IQCB1: variants seen among roughly 807,000 people sequenced by gnomAD.
The protein encoded by IQCB1 is IQ motif containing B1, also known as IQ calmodulin-binding motif-containing protein 1.
IQCB1 carries 56 observed loss-of-function variants against 84.4 expected under a neutral mutation model. The ratio of observed to expected loss-of-function variants is 0.66; its 90% CI spans 0.54 to 0.83. The LOEUF (loss-of-function observed/expected upper bound fraction) is 0.83, where lower values mean the gene tolerates loss of function less well. IQCB1 is among the 40% of genes least tolerant of loss of function. The probability of loss-of-function intolerance (pLI) is 0.00; values close to 1 mark genes in which losing one functional copy is unlikely to be tolerated. For synonymous variants in IQCB1, 210 were observed against 234.8 expected, an observed-to-expected ratio of 0.89 and a Z score of 0.96; for missense variants, 629 against 682.1, an observed-to-expected ratio of 0.92 and a Z score of 0.87.
intron 12 of IQCB1, among the ~76,000 whole-genome samples, chr3:121,783,380 C>G (rs1384474416): frequency 3.9e-5 from 6 of 151,998 alleles, no homozygotes; most frequent in African/African-American, 1.5e-4. Flanking sequence ...ACTGTTTCTA[C>G]TCCCCATCCA....
At chr3:121,770,690 G>A (rs1409920484) in intron 14 of IQCB1, 116 bp from the exon 15 acceptor site, 1 of 828,492 alleles carries the variant, frequency 1.2e-6, no homozygotes, top group Non-Finnish European at 2.1e-6. Flanking sequence ...AACTCTGAAT[G>A]TACTACTTTT....
chr3:121,823,909 A>G (rs1159602773), intron 5 of IQCB1, among the ~76,000 whole-genome samples: 1 of 152,250 alleles, frequency 6.6e-6, no homozygotes, highest in Non-Finnish European at 1.5e-5. Flanking sequence ...AGTAAAATAC[A>G]TGACAAAATA....
At chr3:121,819,784 T>C (rs892229252) in intron 5 of IQCB1, among the ~76,000 whole-genome samples, 2 of 152,182 alleles carry the variant, frequency 1.3e-5, no homozygotes, top group Admixed American at 1.3e-4. Context: ...GTGAGCCATC[T>C]AGATAATGTT....
rs561258151 is a variant in IQCB1, at chr3:121,770,597, A to G, written c.1568-23T>C. The G allele has an allele frequency of 2.2e-4, 341 of 1,577,214 alleles. 6 individuals are homozygous for G. The South Asian group carries it at 3.6e-3, about 17-fold the overall frequency. On this transcript the variant is annotated intron_variant, in intron 14 of 14. Transcript: ENST00000310864. ...CCTCTGTAGTGGACAGAAAATAAAC[A>G]GATGAGCAGAAGAGTCCTATGCCAA...
intron 14 of IQCB1, among the ~76,000 whole-genome samples, chr3:121,771,499 T>G (rs1169183967): frequency 2.0e-5 from 3 of 151,902 alleles, no homozygotes; most frequent in Non-Finnish European, 4.4e-5. Flanking sequence ...CAGCTAATTT[T>G]TGTATTTTCA....
intron 14 of IQCB1, 22 bp downstream of exon 14, chr3:121,772,535 C>G: frequency 6.2e-7 from 1 of 1,613,784 alleles, no homozygotes; most frequent in Non-Finnish European, 8.5e-7. Context: ...TTTTAGAGAA[C>G]GAAAGTAAAA....
intron 7 of IQCB1, 38 bp downstream of exon 7, chr3:121,807,306 A>T (rs1232303688): frequency 3.8e-6 from 2 of 523,822 alleles, no homozygotes; most frequent in Admixed American, 2.5e-5. Flanking sequence ...TGCTTCTGAT[A>T]AAAAAAAAGC....
In IQCB1 at chr3:121,790,147, A is replaced by C; in HGVS notation, c.1055T>G (p.Leu352Trp). ...CATGGCTCTCTGTCTTTGAAGTTGCAATTGTAATTTGAGGTCCTCTTCTTC... is the reference window on the plus strand; with the variant it reads ...CATGGCTCTCTGTCTTTGAAGTTGCCATTGTAATTTGAGGTCCTCTTCTTC... ...QKEEEDLKLQ[L>W]QLQRQRAMRL... Residue 352 changes from leucine (L) to tryptophan (W), a missense_variant, in exon 11 of 15, where the codon TTG becomes TGG. Transcript: ENST00000310864. 1 of 1,613,566 alleles carries C rather than the reference A, an allele frequency of 6.2e-7. No homozygotes were observed. Among genetic ancestry groups the C allele is most frequent in the Non-Finnish European group, 8.5e-7 (1 of 1,179,540 alleles).
At chr3:121,823,721 T>C (rs1950354239) in intron 5 of IQCB1, among the ~76,000 whole-genome samples, 1 of 152,222 alleles carries the variant, frequency 6.6e-6, no homozygotes, top group Non-Finnish European at 1.5e-5. Context: ...TAAAGGAGGT[T>C]GTCAGGCTTA....
At chr3:121,790,616 G>A (rs1272718277) in intron 10 of IQCB1, among the ~76,000 whole-genome samples, 1 of 152,084 alleles carries the variant, frequency 6.6e-6, no homozygotes, top group Non-Finnish European at 1.5e-5. Context: ...ACAGATACTG[G>A]TTCATTCACC....
At chr3:121,792,644 A>G (rs1949037768) in intron 10 of IQCB1, among the ~76,000 whole-genome samples, 1 of 141,444 alleles carries the variant, frequency 7.1e-6, no homozygotes. Flanking sequence ...CCTGGGCCAC[A>G]GAGCAAGACT....
chr3:121,770,261 G>T lies in IQCB1; in HGVS notation c.*84C>A. 1 of 866,568 alleles carries T rather than the reference G, an allele frequency of 1.2e-6. No individual in the cohort carries two copies. The highest frequency in any genetic ancestry group is 1.4e-5 in the South Asian group (1 of 72,298). 53.7% of individuals were successfully genotyped at this position (866,568 alleles called of 1,614,324 possible). A position where few individuals can be genotyped will look rare whatever the true frequency, so the allele number is the denominator to read the frequency against. On this transcript the variant is annotated 3_prime_UTR_variant, in exon 15 of 15. Transcript: ENST00000310864. ...CCTCTGGAAAATAATAAGTTAGGAT[G>T]GCCCTAGTCTACCAGCATGCCAGAG...
chr3:121,775,363 C>G (rs1170361844), intron 13 of IQCB1, among the ~76,000 whole-genome samples: 3 of 152,158 alleles, frequency 2.0e-5, no homozygotes, highest in Admixed American at 2.0e-4. Flanking sequence ...TCTCAGCAAA[C>G]TAATACAAGA....
rs555073347 is a variant in IQCB1 at position 121,801,804 on chromosome 3, C to A, written c.588-2430G>T. The stretch of plus-strand genomic sequence containing the variant: ...GTTCCCTTGTATTACTACTTTGCTG[C>A]AAGGCCTTTTTTTTTTTTTTTTTTT... On this transcript the variant is annotated intron_variant, in intron 7 of 14. Transcript: ENST00000310864. Among the ~76,000 whole-genome samples, 203 of 123,016 alleles carry A rather than the reference C, an allele frequency of 1.7e-3. 1 individual carries two copies. The highest frequency in any genetic ancestry group is 6.4e-3 in the African/African-American group (200 of 31,482). 80.7% of individuals were successfully genotyped at this position (123,016 alleles called of 152,430 possible).
chr3:121,772,816 A>T, intron 13 of IQCB1, 103 bp from the exon 14 acceptor site: 1 of 987,298 alleles, frequency 1.0e-6, no homozygotes, highest in Non-Finnish European at 1.6e-6. Flanking sequence ...CTCTCATTTT[A>T]TCAATTGAAT....
chr3:121,781,671 T>G, intron 13 of IQCB1, 72 bp downstream of exon 13: 1 of 1,288,582 alleles, frequency 7.8e-7, no homozygotes, highest in Non-Finnish European at 1.1e-6. Flanking sequence ...ACAATATATG[T>G]GTGTGTGTGT....
chr3:121,774,141 G>T (rs1948125319), intron 13 of IQCB1, among the ~76,000 whole-genome samples: 1 of 152,006 alleles, frequency 6.6e-6, no homozygotes, highest in Admixed American at 6.6e-5. Context: ...AGACATTTCT[G>T]CAAAAAAGAT....
intron 7 of IQCB1, among the ~76,000 whole-genome samples, chr3:121,802,328 T>C (rs1013685429): frequency 6.6e-6 from 1 of 152,120 alleles, no homozygotes; most frequent in Admixed American, 6.6e-5. Flanking sequence ...CTAGAGTATA[T>C]TTGGGTTCTC....
chr3:121,796,452 C>A (rs1949197274), intron 9 of IQCB1, among the ~76,000 whole-genome samples: 1 of 152,000 alleles, frequency 6.6e-6, no homozygotes, highest in South Asian at 2.1e-4. Flanking sequence ...AGCAATATGC[C>A]TCTTCCTGTT....
Sources: gnomAD v4.1 joint callset for allele counts (sites outside exome capture counted in the v4.1 genomes callset) on GRCh38, gnomAD v4.1.1 for gene constraint, MANE v1.5 for transcripts, NCBI Gene and HGNC (gene_info 2026-07-23, HGNC 2026-07-21) for gene names.